Variants in RGPD4 observed in about 807,000 individuals in gnomAD.
The protein encoded by RGPD4 is RANBP2 like and GRIP domain containing 4.
RGPD4 carries 84 observed loss-of-function variants against 141.1 expected under a neutral mutation model. The ratio of observed to expected loss-of-function variants is 0.60; its 90% CI spans 0.50 to 0.71. The LOEUF is 0.71. Among genes scored for constraint, RGPD4 ranks in the 30% least tolerant of loss-of-function variants. The pLI is 0.00. For missense variants in RGPD4, 918 were observed against 1,622.4 expected, an observed-to-expected ratio of 0.57 and a Z score of 7.46; for synonymous variants, 298 against 566.8, an observed-to-expected ratio of 0.53 and a Z score of 6.74.
intron 7 of RGPD4, among the ~76,000 whole-genome samples, chr2:107,852,237 C>A: frequency 1.1e-5 from 1 of 93,708 alleles, no homozygotes; most frequent in African/African-American, 4.3e-5. Context: ...GGCAACAGAG[C>A]GAGACTCCAT....
At chr2:107,852,259 A>C (rs1309816520) in intron 7 of RGPD4, among the ~76,000 whole-genome samples, 1 of 150,496 alleles carries the variant, frequency 6.6e-6, no homozygotes, top group Non-Finnish European at 1.5e-5. Flanking sequence ...TCAAAAAAAA[A>C]AAAAAAGGAA....
At chr2:107,845,676 G>T (rs1289640420) in intron 6 of RGPD4, among the ~76,000 whole-genome samples, 2 of 152,282 alleles carry the variant, frequency 1.3e-5, no homozygotes, top group African/African-American at 4.8e-5. Flanking sequence ...CCATTCTTCT[G>T]CCTCAGCCTC....
At position 107,871,881 on chromosome 2, in the gene RGPD4, A is replaced by C. The variant is rs775859493; in HGVS notation, c.3877A>C (p.Asn1293His). 1.2e-5 allele frequency: 19 copies of C among 1,611,654 alleles called. No homozygotes were observed. The highest frequency in any genetic ancestry group is 1.5e-5 in the Non-Finnish European group (18 of 1,179,866). ...FHFGESTTGS[N>H]FSFKSALSPS... is the part of the protein sequence containing the mutation. ...TTTTGGTGAGTCAACAACAGGATCT[A>C]ACTTCAGTTTTAAATCTGCTTTGAG... The change falls in exon 20 of 23, where the codon AAC becomes CAC. Residue 1293 changes from asparagine to histidine, a missense_variant. Asn to His is a moderately conservative substitution (Grantham distance 68, BLOSUM62 1). Transcript: ENST00000408999.
chr2:107,830,561 A>G (rs1681449068), intron 1 of RGPD4, among the ~76,000 whole-genome samples: 1 of 152,142 alleles, frequency 6.6e-6, no homozygotes, highest in Non-Finnish European at 1.5e-5. Flanking sequence ...CCCCAAATTG[A>G]AAGTCATTTA....
chr2:107,829,351 G>T (rs1441694819), intron 1 of RGPD4, among the ~76,000 whole-genome samples: 4 of 35,366 alleles, frequency 1.1e-4, no homozygotes, highest in Admixed American at 3.8e-4. Flanking sequence ...CTCTGTTGAG[G>T]CGGCGGCCTC....
At chr2:107,829,983 C>T (rs1681419648) in intron 1 of RGPD4, among the ~76,000 whole-genome samples, 1 of 152,010 alleles carries the variant, frequency 6.6e-6, no homozygotes, top group Admixed American at 6.5e-5. Flanking sequence ...GCGGCTGCGT[C>T]GAGTGACAAG....
rs189197500 is a variant in RGPD4, at chr2:107,830,002, C to G, written c.72+2917C>G. Among the ~76,000 whole-genome samples, 1,320 of 152,074 alleles carry G rather than the reference C, an allele frequency of 8.7e-3. 15 individuals carry two copies. The highest frequency in any genetic ancestry group is 0.03 in the African/African-American group (1,241 of 41,450). Reference sequence around the variant, plus strand: ...CTGCGTCGAGTGACAAGGTAGGCATCTCAGCGCGGACATTTGCAATGGCCG... The same window carrying G: ...CTGCGTCGAGTGACAAGGTAGGCATGTCAGCGCGGACATTTGCAATGGCCG... On this transcript the variant is annotated intron_variant, in intron 1 of 22. Transcript: ENST00000408999.
At chr2:107,831,720 G>A (rs1226052789) in intron 1 of RGPD4, among the ~76,000 whole-genome samples, 13 of 146,750 alleles carry the variant, frequency 8.9e-5, no homozygotes, top group Admixed American at 6.8e-4. Flanking sequence ...ACAGGCACCC[G>A]CCACAACACC....
At chr2:107,829,650 C>T (rs918444064) in intron 1 of RGPD4, among the ~76,000 whole-genome samples, 36 of 152,214 alleles carry the variant, frequency 2.4e-4, no homozygotes, top group African/African-American at 7.7e-4. Flanking sequence ...GTCCTGTGGG[C>T]GGCGTGGCAC....
In RGPD4 at chr2:107,859,479, T is replaced by C. The variant is rs1320387478; in HGVS notation, c.1559T>C (p.Val520Ala). ...SYQPLCLPLPVCKQLCTERQK... is the reference protein window; with the variant it reads ...SYQPLCLPLPACKQLCTERQK... Reference sequence around the variant, plus strand: ...CAGCCGTTATGCCTGCCCCTTCCTGTATGTAAACAGCTTTGTACAGAAAGA... The same window carrying C: ...CAGCCGTTATGCCTGCCCCTTCCTGCATGTAAACAGCTTTGTACAGAAAGA... Residue 520 changes from valine (V) to alanine (A), a missense_variant, in exon 11 of 23, where the codon GTA becomes GCA. Coordinates refer to ENST00000408999, the MANE Select transcript of RGPD4 (RefSeq NM_182588.3). The C allele has an allele frequency of 6.2e-7, 1 of 1,611,296 alleles. No homozygotes were observed. Among genetic ancestry groups the C allele is most frequent in the Non-Finnish European group, 8.5e-7 (1 of 1,179,876 alleles).
At chr2:107,883,862 T>G (rs1222996230) in intron 22 of RGPD4, among the ~76,000 whole-genome samples, 3 of 152,164 alleles carry the variant, frequency 2.0e-5, no homozygotes, top group Admixed American at 2.0e-4. Flanking sequence ...CTCTCTTGAG[T>G]TGTCACCCAT....
chr2:107,835,077 T>C (rs1195662850), intron 1 of RGPD4, among the ~76,000 whole-genome samples: 1 of 32,196 alleles, frequency 3.1e-5, no homozygotes, highest in East Asian at 2.5e-4. Context: ...TCAGCTTTTT[T>C]TTTTTTTTTT....
At chr2:107,827,237 G>C (rs1186483195) in intron 1 of RGPD4, among the ~76,000 whole-genome samples, 152 bp downstream of exon 1, 3 of 134,430 alleles carry the variant, frequency 2.2e-5, no homozygotes, top group Non-Finnish European at 4.8e-5. Flanking sequence ...GCCTCGACCC[G>C]GCCCGGCGGC....
chr2:107,855,995 G>T (rs1403531012), intron 8 of RGPD4, among the ~76,000 whole-genome samples: 3 of 116,118 alleles, frequency 2.6e-5, no homozygotes, highest in African/African-American at 1.2e-4. Flanking sequence ...ATGATTTTTT[G>T]ATTGCTTACT....
At chr2:107,829,748 G>T (rs1271396160) in intron 1 of RGPD4, among the ~76,000 whole-genome samples, 2 of 152,052 alleles carry the variant, frequency 1.3e-5, no homozygotes, top group Non-Finnish European at 2.9e-5. Context: ...GCTTGTTCCC[G>T]ACGCTTGTTC....
At chr2:107,866,958 A>C (rs893134620) in intron 18 of RGPD4, among the ~76,000 whole-genome samples, 2 of 150,020 alleles carry the variant, frequency 1.3e-5, no homozygotes, top group Non-Finnish European at 3.0e-5. Context: ...AACTAAGGTT[A>C]CTAATAGTGT....
intron 20 of RGPD4, among the ~76,000 whole-genome samples, chr2:107,878,366 C>T (rs1267409126): frequency 6.8e-6 from 1 of 147,406 alleles, no homozygotes; most frequent in African/African-American, 2.4e-5. Flanking sequence ...TCTAGACATG[C>T]ACACTGTAAC....
At chr2:107,845,754 C>A (rs572372938) in intron 6 of RGPD4, among the ~76,000 whole-genome samples, 1 of 151,932 alleles carries the variant, frequency 6.6e-6, no homozygotes, top group African/African-American at 2.4e-5. Flanking sequence ...TTAGTAGAGA[C>A]GGAGTGTCAC....
intron 1 of RGPD4, among the ~76,000 whole-genome samples, chr2:107,832,347 T>C (rs1370298258): frequency 1.3e-5 from 2 of 151,698 alleles, no homozygotes; most frequent in African/African-American, 4.9e-5. Flanking sequence ...AGTTAGACCC[T>C]TTGTTTCTTG....
Sources: gnomAD v4.1 joint callset for allele counts (sites outside exome capture counted in the v4.1 genomes callset) on GRCh38, gnomAD v4.1.1 for gene constraint, MANE v1.5 for transcripts, NCBI Gene and HGNC (gene_info 2026-07-23, HGNC 2026-07-21) for gene names.